Variants in ITGA2 observed in about 807,000 individuals in gnomAD.
ITGA2 encodes integrin subunit alpha 2.
ITGA2 carries 101 observed loss-of-function variants against 146.3 expected under a neutral mutation model. That is an observed-to-expected ratio of 0.69 (90% CI 0.59 to 0.81). The LOEUF (loss-of-function observed/expected upper bound fraction) is 0.81, where lower values mean the gene tolerates loss of function less well. ITGA2 is among the 40% of genes least tolerant of loss of function. ITGA2 has a pLI of 0.00. For synonymous variants in ITGA2, 477 were observed against 487.1 expected (o/e 0.98, Z 0.27); for missense variants, 1,281 against 1,402.7 (o/e 0.91, Z 1.39).
At chr5:53,037,800 C>A (rs534660712) in intron 2 of ITGA2, among the ~76,000 whole-genome samples, 1 of 152,226 alleles carries the variant, frequency 6.6e-6, no homozygotes, top group South Asian at 2.1e-4. Flanking sequence ...GATGAGGAAA[C>A]CCTTGTTCTT....
intron 1 of ITGA2, among the ~76,000 whole-genome samples, chr5:53,007,504 G>GGA (rs558107668): frequency 9.9e-5 from 15 of 151,718 alleles, no homozygotes; most frequent in East Asian, 5.8e-4. Flanking sequence ...AGAGAAACGG[G>GGA]GAGAGAGAGA....
intron 1 of ITGA2, among the ~76,000 whole-genome samples, chr5:53,009,930 C>A (rs911394342): frequency 2.0e-5 from 3 of 152,158 alleles, no homozygotes; most frequent in African/African-American, 7.2e-5. Context: ...AAGAAATAAA[C>A]TTCTGTTGTT....
chr5:53,023,754 A>G (rs1258184224), intron 1 of ITGA2, among the ~76,000 whole-genome samples: 2 of 152,228 alleles, frequency 1.3e-5, no homozygotes, highest in African/African-American at 4.8e-5. Context: ...ACATCAGAAG[A>G]TATAGGCACT....
intron 1 of ITGA2, among the ~76,000 whole-genome samples, chr5:53,025,892 G>T (rs1212545322): frequency 6.6e-6 from 1 of 152,172 alleles, no homozygotes; most frequent in Non-Finnish European, 1.5e-5. Flanking sequence ...AATGCTGTCA[G>T]TGTCATACAG....
chr5:53,052,575 T>C (rs1182892741), intron 7 of ITGA2, among the ~76,000 whole-genome samples: 1 of 151,986 alleles, frequency 6.6e-6, no homozygotes, highest in Non-Finnish European at 1.5e-5. Flanking sequence ...CTCTATTCCC[T>C]CCCTCTACTT....
rs3212487 is a variant in ITGA2, at chr5:53,048,950, G to A, written c.630+180G>A. Among the ~76,000 whole-genome samples the A allele has an allele frequency of 0.11, 16,969 of 151,854 alleles. 1,179 individuals are homozygous for A. The highest frequency in any genetic ancestry group is 0.19 in the African/African-American group (7,907 of 41,364). ...GTTATTCTACCTATGGCTTTGCCCA[G>A]TGCTGGTCTTTTGACCTTAGAGTTC... On this transcript the variant is annotated intron_variant, in intron 6 of 29. Transcript: ENST00000296585.
At chr5:53,088,777 CTA>C (rs1279709090) in intron 28 of ITGA2, among the ~76,000 whole-genome samples, 2 of 151,608 alleles carry the variant, frequency 1.3e-5, no homozygotes, top group Non-Finnish European at 2.9e-5. Context: ...TCAGTTGTGT[CTA>C]TGAAAAATTT....
intron 1 of ITGA2, among the ~76,000 whole-genome samples, chr5:53,015,460 T>C (rs748818609): frequency 6.4e-5 from 5 of 78,086 alleles, no homozygotes; most frequent in African/African-American, 1.1e-4. Flanking sequence ...TCCAAGACTG[T>C]GGTTGGTATG....
At position 53,059,958 on chromosome 5, in the gene ITGA2, C is replaced by T. The variant is rs1744824185; in HGVS notation, c.1258C>T (p.Pro420Ser). Residue 420 changes from proline to serine, a missense_variant, in exon 11 of 30, where the codon CCT becomes TCT. Physicochemically the swap from Pro to Ser is moderately conservative, Grantham distance 74. This residue lies in a region of ITGA2 where 795 missense variants were observed against 841.7 expected (regional missense o/e 0.94). Coordinates refer to ENST00000296585, the MANE Select transcript of ITGA2 (RefSeq NM_002203.4). ...GACATCTCATGGCCATTTGATCTTT[C>T]CTAAACAAGCCTTTGACCAAATTCT... ...QKTSHGHLIFPKQAFDQILQD... is the reference protein window; with the variant it reads ...QKTSHGHLIFSKQAFDQILQD... 1 of 1,612,274 alleles carries T rather than the reference C, an allele frequency of 6.2e-7. No individual in the cohort carries two copies. Among genetic ancestry groups the T allele is most frequent in the African/African-American group, 1.3e-5 (1 of 74,896 alleles).
intron 24 of ITGA2, among the ~76,000 whole-genome samples, chr5:53,079,289 G>A (rs1745803832): frequency 6.6e-6 from 1 of 152,080 alleles, no homozygotes; most frequent in African/African-American, 2.4e-5. Flanking sequence ...TATAAAGGAA[G>A]GTATTGCTGT....
chr5:53,083,503 G>C (rs1319442890), intron 27 of ITGA2, 50 bp downstream of exon 27: 2 of 1,117,416 alleles, frequency 1.8e-6, no homozygotes, highest in Non-Finnish European at 2.7e-6. Flanking sequence ...GGAAACATAA[G>C]TCTGCACTGA....
At chr5:53,021,317 T>C (rs1423402283) in intron 1 of ITGA2, among the ~76,000 whole-genome samples, 1 of 152,222 alleles carries the variant, frequency 6.6e-6, no homozygotes, top group Non-Finnish European at 1.5e-5. Context: ...AGCTATTTAA[T>C]ATGTATAAAG....
chr5:52,996,164 A>G (rs1481392167), intron 1 of ITGA2, among the ~76,000 whole-genome samples: 4 of 152,174 alleles, frequency 2.6e-5, no homozygotes, highest in African/African-American at 9.7e-5. Flanking sequence ...GTAAAATGGG[A>G]GCAGCTGCCT....
intron 21 of ITGA2, 27 bp downstream of exon 21, chr5:53,074,504 C>T (rs374312293): frequency 1.3e-6 from 2 of 1,512,264 alleles, no homozygotes; most frequent in South Asian, 1.1e-5. Flanking sequence ...ATCCTCCAAT[C>T]CATACAAGCC....
At chr5:52,993,117 T>C (rs1341868832) in intron 1 of ITGA2, among the ~76,000 whole-genome samples, 1 of 152,212 alleles carries the variant, frequency 6.6e-6, no homozygotes, top group Non-Finnish European at 1.5e-5. Flanking sequence ...CCAAGCAAAA[T>C]TATAAAGTAG....
At chr5:53,073,094 C>T in intron 19 of ITGA2, 24 bp from the exon 20 acceptor site, 2 of 1,609,446 alleles carry the variant, frequency 1.2e-6, no homozygotes. Flanking sequence ...ATGGCTTTTC[C>T]CCCCTCCTTT....
intron 1 of ITGA2, among the ~76,000 whole-genome samples, chr5:53,004,347 G>C (rs1561281169): frequency 6.6e-6 from 1 of 152,068 alleles, no homozygotes; most frequent in Non-Finnish European, 1.5e-5. Context: ...CTACCTTGTT[G>C]GGTCATTGGG....
intron 2 of ITGA2, among the ~76,000 whole-genome samples, chr5:53,029,985 C>G (rs1743146267): frequency 6.6e-6 from 1 of 152,168 alleles, no homozygotes; most frequent in Admixed American, 6.5e-5. Context: ...TAAGTAACAG[C>G]TTTCCTGGAC....
At chr5:52,994,967 A>G (rs1465649318) in intron 1 of ITGA2, among the ~76,000 whole-genome samples, 1 of 152,206 alleles carries the variant, frequency 6.6e-6, no homozygotes, top group Admixed American at 6.5e-5. Context: ...AGAACCTCAG[A>G]GATCCTGGAG....
Sources: allele counts gnomAD v4.1 joint callset (sites outside exome capture counted in the v4.1 genomes callset), GRCh38; gene constraint gnomAD v4.1.1; regional missense constraint gnomAD v4.1.1; transcripts MANE v1.5; gene names NCBI Gene and HGNC (gene_info 2026-07-23, HGNC 2026-07-21).